The following STRN variants were observed in gnomAD, a reference collection of about 807,000 sequenced individuals.
The protein encoded by STRN is protein phosphatase 2 regulatory subunit B'''alpha.
In STRN, 53 loss-of-function variants were observed where a neutral mutation model predicts 96.3. The observed-to-expected ratio is 0.55, with a 90% CI of 0.44 to 0.69. STRN has a LOEUF of 0.69. STRN is among the 30% of genes least tolerant of loss of function. The pLI is 0.00. For missense variants in STRN, 987 were observed against 963.9 expected, an observed-to-expected ratio of 1.02 and a Z score of -0.32; for synonymous variants, 428 against 355.9, an observed-to-expected ratio of 1.20 and a Z score of -2.28.
rs900971710 is a variant in STRN at position 36,843,928 on chromosome 2, G to C, written c.*5528C>G. The C allele has an allele frequency of 6.6e-6, 1 of 152,088 alleles. No homozygotes were observed. The highest frequency in any genetic ancestry group is 1.5e-5 in the Non-Finnish European group (1 of 68,016). The allele number at this position is 152,088 out of a possible 1,614,324, so 9.4% of individuals were successfully genotyped here. A position where few individuals can be genotyped will look rare whatever the true frequency, so the allele number is the denominator to read the frequency against. ...CTTGCACCACAAAAATTAGCATTTG[G>C]ATTAATTTACATTAATTGATGTAAC... On this transcript the variant is annotated 3_prime_UTR_variant, in exon 18 of 18. Coordinates refer to ENST00000263918, the MANE Select transcript of STRN (RefSeq NM_003162.4).
intron 2 of STRN, among the ~76,000 whole-genome samples, chr2:36,921,115 C>G (rs1670243280): frequency 6.6e-6 from 1 of 151,932 alleles, no homozygotes; most frequent in African/African-American, 2.4e-5. Flanking sequence ...CTCCATCTCT[C>G]CCCACTTCAT....
At chr2:36,904,322 T>C (rs72873813) in intron 4 of STRN, among the ~76,000 whole-genome samples, 1 of 152,204 alleles carries the variant, frequency 6.6e-6, no homozygotes, top group Non-Finnish European at 1.5e-5. Flanking sequence ...ACATCCACTT[T>C]GGAAACCTTG....
intron 2 of STRN, among the ~76,000 whole-genome samples, chr2:36,922,918 C>T (rs1370935973): frequency 2.0e-5 from 3 of 151,512 alleles, no homozygotes; most frequent in Admixed American, 6.6e-5. Flanking sequence ...CTGAGGCAGG[C>T]GGATCACGAA....
intron 7 of STRN, among the ~76,000 whole-genome samples, chr2:36,891,206 C>CTTA (rs1412334002): frequency 6.6e-6 from 1 of 152,138 alleles, no homozygotes; most frequent in Non-Finnish European, 1.5e-5. Context: ...CTTACTTTAA[C>CTTA]ACCTCAACAA....
intron 6 of STRN, among the ~76,000 whole-genome samples, chr2:36,896,686 A>T (rs1669547896): frequency 6.6e-6 from 1 of 152,014 alleles, no homozygotes. Flanking sequence ...ACTGTGGCTA[A>T]AAAAAATAGT....
rs1217777492 is a variant in STRN at position 36,841,585 on chromosome 2, GAACT to G, written c.*7867_*7870del. Reference sequence around the variant, plus strand: ...AGCATAGTCAAAACCATTCAAAAGAGAACTCACTCTGTAAAAACGATTCTCATAT... The same window carrying G: ...AGCATAGTCAAAACCATTCAAAAGAGCACTCTGTAAAAACGATTCTCATAT... On this transcript the variant is annotated 3_prime_UTR_variant, in exon 18 of 18. Transcript: ENST00000263918. 2 of 152,240 alleles carry G rather than the reference GAACT, an allele frequency of 1.3e-5. No individual in the cohort carries two copies. Among genetic ancestry groups the G allele is most frequent in the Admixed American group, 1.3e-4 (2 of 15,292 alleles). The allele number at this position is 152,240 out of a possible 1,614,324, so 9.4% of individuals were successfully genotyped here.
chr2:36,928,746 C>T (rs1670487943), intron 1 of STRN, among the ~76,000 whole-genome samples: 1 of 151,430 alleles, frequency 6.6e-6, no homozygotes, highest in African/African-American at 2.4e-5. Flanking sequence ...AGTTCAAGAC[C>T]AGCCTGACCA....
intron 3 of STRN, among the ~76,000 whole-genome samples, chr2:36,908,737 G>GC: frequency 6.6e-6 from 1 of 152,266 alleles, no homozygotes; most frequent in East Asian, 1.9e-4. Context: ...ACTTTGGGAG[G>GC]CCGTGGTGGG....
At chr2:36,896,525 G>A (rs1323297674) in intron 6 of STRN, among the ~76,000 whole-genome samples, 5 of 152,060 alleles carry the variant, frequency 3.3e-5, no homozygotes, top group South Asian at 2.1e-4. Flanking sequence ...TTCTACCTTC[G>A]ATGAGCTTAT....
chr2:36,896,809 A>T (rs1238445871), intron 6 of STRN, among the ~76,000 whole-genome samples: 2 of 152,222 alleles, frequency 1.3e-5, no homozygotes, highest in Non-Finnish European at 2.9e-5. Context: ...TTTTACATGC[A>T]TGTATAATCT....
chr2:36,838,879 C>G lies in STRN; in HGVS notation c.*10577G>C, dbSNP rs1018159537. Among the ~76,000 whole-genome samples the G allele has an allele frequency of 1.3e-5, 2 of 152,086 alleles. No homozygotes were observed. Among genetic ancestry groups the G allele is most frequent in the Non-Finnish European group, 2.9e-5 (2 of 68,008 alleles). On this transcript the variant is annotated 3_prime_UTR_variant, in exon 18 of 18. Coordinates refer to ENST00000263918, the MANE Select transcript of STRN (RefSeq NM_003162.4). ...GTGAGATGCAGAGAACGTACATGAT[C>G]CCATTTATTTAAAGCAAACTGCCCA...
chr2:36,857,959 A>G lies in STRN; in HGVS notation c.1734T>C (p.Ser578=). Residue 578 remains serine (S), a synonymous_variant, in exon 14 of 18, where the codon AGT becomes AGC. Coordinates refer to ENST00000263918, the MANE Select transcript of STRN (RefSeq NM_003162.4). ...AGGACAACAAACGCTGATGTGCTGC[A>G]CTATAAGCCAAACCCCAGACTGCAT... ...HTDAVWGLAY[S]AAHQRLLSCS... 6.2e-7 allele frequency: 1 copy of G among 1,613,678 alleles called. No homozygotes were observed. Among genetic ancestry groups the G allele is most frequent in the East Asian group, 2.2e-5 (1 of 44,872 alleles).
chr2:36,964,954 G>A (rs1242135011), intron 1 of STRN, among the ~76,000 whole-genome samples: 3 of 152,152 alleles, frequency 2.0e-5, no homozygotes, highest in African/African-American at 7.2e-5. Flanking sequence ...ACCCAGAGAG[G>A]TTAAAGGATT....
chr2:36,849,414 G>T lies in STRN; in HGVS notation c.*42C>A. On this transcript the variant is annotated 3_prime_UTR_variant, in exon 18 of 18. Transcript: ENST00000263918. ...TCTTCTGTATCTCTTGTGTGCAGTT[G>T]ATTACTTATAAACAGCTAGAAGGTG... 6.2e-7 allele frequency: 1 copy of T among 1,604,504 alleles called. No individual in the cohort carries two copies. Among genetic ancestry groups the T allele is most frequent in the Non-Finnish European group, 8.5e-7 (1 of 1,174,094 alleles).
intron 5 of STRN, 27 bp downstream of exon 5, chr2:36,902,557 A>G (rs1373313103): frequency 1.3e-6 from 2 of 1,569,118 alleles, no homozygotes; most frequent in Non-Finnish European, 1.7e-6. Context: ...AATAATAGCT[A>G]AAACACTTTC....
At chr2:36,868,271 C>T (rs1668678965) in intron 11 of STRN, among the ~76,000 whole-genome samples, 1 of 152,100 alleles carries the variant, frequency 6.6e-6, no homozygotes, top group Non-Finnish European at 1.5e-5. Flanking sequence ...GGGAATAACA[C>T]CAAATAATCA....
rs1183748181 is a variant in STRN, at chr2:36,847,199, T to G, written c.*2257A>C. ...TACAGTCTATGTATCTCATGGTTATTTTCCACTCACTGACAGAAAAATTTC... is the reference window on the plus strand; with the variant it reads ...TACAGTCTATGTATCTCATGGTTATGTTCCACTCACTGACAGAAAAATTTC... On this transcript the variant is annotated 3_prime_UTR_variant, in exon 18 of 18. Transcript: ENST00000263918. 1 of 152,154 alleles carries G rather than the reference T, an allele frequency of 6.6e-6. No individual in the cohort carries two copies. Among genetic ancestry groups the G allele is most frequent in the Non-Finnish European group, 1.5e-5 (1 of 68,022 alleles). 9.4% of individuals were successfully genotyped at this position (152,154 alleles called of 1,614,324 possible). A position where few individuals can be genotyped will look rare whatever the true frequency, so the allele number is the denominator to read the frequency against.
At chr2:36,943,962 C>A (rs1335657130) in intron 1 of STRN, among the ~76,000 whole-genome samples, 1 of 151,002 alleles carries the variant, frequency 6.6e-6, no homozygotes, top group East Asian at 2.0e-4. Context: ...ATTAAAAATA[C>A]AAACAAAATT....
At chr2:36,939,332 C>A (rs78527034) in intron 1 of STRN, among the ~76,000 whole-genome samples, 4,432 of 152,180 alleles carry the variant, frequency 0.029, 99 homozygotes, top group East Asian at 0.13. Flanking sequence ...GACCAATTAC[C>A]TGATACATCA....
Sources: gnomAD v4.1 joint callset for allele counts (sites outside exome capture counted in the v4.1 genomes callset) on GRCh38, gnomAD v4.1.1 for gene constraint, MANE v1.5 for transcripts, NCBI Gene and HGNC (gene_info 2026-07-23, HGNC 2026-07-21) for gene names.